Variants in SNX29 observed in about 807,000 individuals in gnomAD.
SNX29 encodes sorting nexin-29.
Under a neutral mutation model 102.1 loss-of-function variants are expected in SNX29, and 78 were observed. The observed-to-expected ratio is 0.76, with a 90% CI of 0.64 to 0.92. The LOEUF is 0.92. SNX29 is among the 40% of genes least tolerant of loss of function. SNX29 has a pLI of 0.00. For missense variants in SNX29, 1,280 were observed against 1,061.7 expected, an observed-to-expected ratio of 1.21 and a Z score of -2.86; for synonymous variants, 580 against 414.5, an observed-to-expected ratio of 1.40 and a Z score of -4.85.
intron 13 of SNX29, among the ~76,000 whole-genome samples, chr16:12,173,373 C>T (rs1005772332): frequency 1.3e-5 from 2 of 152,186 alleles, no homozygotes; most frequent in Admixed American, 6.5e-5. Flanking sequence ...TTTGTGTGAT[C>T]AGCTTTCACA....
At chr16:12,565,488 C>G (rs908152739) in intron 20 of SNX29, among the ~76,000 whole-genome samples, 1 of 152,208 alleles carries the variant, frequency 6.6e-6, no homozygotes, top group Admixed American at 6.5e-5. Context: ...AGCACCCCTG[C>G]CTCCAAGCCT....
At chr16:12,353,453 G>A (rs1446554542) in intron 15 of SNX29, among the ~76,000 whole-genome samples, 2 of 140,290 alleles carry the variant, frequency 1.4e-5, no homozygotes, top group Non-Finnish European at 2.9e-5. Context: ...CAGTGGCCTG[G>A]TGAAATGGGT....
At chr16:12,048,234 G>A in intron 6 of SNX29, 138 bp from the exon 7 acceptor site, 11 of 1,257,010 alleles carry the variant, frequency 8.8e-6, no homozygotes, top group Middle Eastern at 2.4e-4. Context: ...TGCAACGTCC[G>A]CATGGGAGGT....
chr16:12,526,000 C>T (rs931957705), intron 20 of SNX29, among the ~76,000 whole-genome samples: 1 of 152,042 alleles, frequency 6.6e-6, no homozygotes, highest in Non-Finnish European at 1.5e-5. Context: ...ACCATCAAGC[C>T]CGACTTGGTT....
chr16:12,346,140 C>T (rs781609932), intron 15 of SNX29, among the ~76,000 whole-genome samples: 9 of 151,782 alleles, frequency 5.9e-5, no homozygotes, highest in Non-Finnish European at 1.0e-4. Context: ...TGAGCGTCAG[C>T]TGGTGGCGGG....
intron 20 of SNX29, among the ~76,000 whole-genome samples, chr16:12,549,945 G>A (rs975226569): frequency 6.7e-6 from 1 of 149,592 alleles, no homozygotes; most frequent in African/African-American, 2.6e-5. Context: ...TTTTTTATAA[G>A]TAAAGTTTTA....
At chr16:12,147,685 C>A (rs557354658) in intron 13 of SNX29, among the ~76,000 whole-genome samples, 49 of 152,262 alleles carry the variant, frequency 3.2e-4, no homozygotes, top group African/African-American at 1.1e-3. Flanking sequence ...CTTGACTTTC[C>A]CTCTTTGCCT....
chr16:12,376,483 C>G (rs959661339), intron 16 of SNX29, among the ~76,000 whole-genome samples: 7 of 152,094 alleles, frequency 4.6e-5, no homozygotes, highest in African/African-American at 1.2e-4. Context: ...TACCTGTAAT[C>G]TCAACACTTT....
At chr16:12,330,382 G>A (rs158475) in intron 15 of SNX29, among the ~76,000 whole-genome samples, 125,848 of 152,106 alleles carry the variant, frequency 0.83, 54,718 homozygotes, top group South Asian at 0.98. Context: ...CAGGAGAATC[G>A]CATGAACCCA....
intron 13 of SNX29, among the ~76,000 whole-genome samples, chr16:12,155,022 C>T (rs61502801): frequency 0.057 from 8,712 of 152,226 alleles, 627 homozygotes; most frequent in East Asian, 0.36. Context: ...AAGAATGTCA[C>T]GGGAACAAGG....
chr16:12,274,674 C>G (rs2079192104), intron 14 of SNX29, among the ~76,000 whole-genome samples: 1 of 151,976 alleles, frequency 6.6e-6, no homozygotes, highest in Non-Finnish European at 1.5e-5. Flanking sequence ...GTACCTGGGA[C>G]TACAGGCATG....
intron 8 of SNX29, among the ~76,000 whole-genome samples, chr16:12,055,401 T>C (rs1354123635): frequency 2.0e-5 from 3 of 152,132 alleles, no homozygotes; most frequent in East Asian, 1.9e-4. Context: ...CCGCTAACTT[T>C]TGTGATTTTA....
intron 13 of SNX29, chr16:12,135,464 A>G: frequency 7.1e-6 from 9 of 1,271,664 alleles, no homozygotes; most frequent in Non-Finnish European, 9.3e-6. Context: ...ACAGGAGGGC[A>G]TGTGACCAGG....
At chr16:12,385,189 G>A (rs2083301839) in intron 16 of SNX29, among the ~76,000 whole-genome samples, 1 of 152,084 alleles carries the variant, frequency 6.6e-6, no homozygotes, top group Non-Finnish European at 1.5e-5. Context: ...AAAAAGAAAA[G>A]TTCTGTGGGG....
At chr16:12,377,750 T>C (rs534630260) in intron 16 of SNX29, among the ~76,000 whole-genome samples, 72 of 152,310 alleles carry the variant, frequency 4.7e-4, no homozygotes, top group Middle Eastern at 3.4e-3. Flanking sequence ...TTTGTCTTCC[T>C]GAGCCACTCA....
chr16:12,355,865 AAAAAAAAAAAAGAG>A (rs1388454826), intron 15 of SNX29, among the ~76,000 whole-genome samples: 112 of 149,322 alleles, frequency 7.5e-4, no homozygotes, highest in African/African-American at 2.2e-3. Context: ...AAAAAAAAAA[AAAAAAAAAAAAGAG>A]AGAGGAAAAA....
At chr16:12,086,009 CTTTT>C (rs34239419) in intron 11 of SNX29, among the ~76,000 whole-genome samples, 6 of 117,362 alleles carry the variant, frequency 5.1e-5, no homozygotes, top group East Asian at 5.0e-4. Context: ...CTTGCCAATT[CTTTT>C]TTTTTTTTTT....
chr16:12,431,188 G>A (rs1314669249), intron 18 of SNX29, among the ~76,000 whole-genome samples: 1 of 152,074 alleles, frequency 6.6e-6, no homozygotes, highest in Non-Finnish European at 1.5e-5. Flanking sequence ...GAGTGAGTGG[G>A]GTGGGGGCCC....
At position 12,570,617 on chromosome 16, in the gene SNX29, C is replaced by G. The variant is rs1467749035; in HGVS notation, c.*1988C>G. 4.3e-6 allele frequency: 1 copy of G among 232,090 alleles called. No individual in the cohort carries two copies. Among genetic ancestry groups the G allele is most frequent in the Non-Finnish European group, 8.5e-6 (1 of 117,438 alleles). The allele number at this position is 232,090 out of a possible 1,614,324, so 14.4% of individuals were successfully genotyped here. A position where few individuals can be genotyped will look rare whatever the true frequency, so the allele number is the denominator to read the frequency against. Reference sequence around the variant, plus strand: ...ACCCTGGAGGTCATCTCCCTGTTCTCTGTTGGATAAAGGAACCTCCCCCAT... The same window carrying G: ...ACCCTGGAGGTCATCTCCCTGTTCTGTGTTGGATAAAGGAACCTCCCCCAT... On this transcript the variant is annotated 3_prime_UTR_variant, in exon 21 of 21. Transcript: ENST00000566228.
Sources: gnomAD v4.1 joint callset for allele counts (sites outside exome capture counted in the v4.1 genomes callset) on GRCh38, gnomAD v4.1.1 for gene constraint, MANE v1.5 for transcripts, NCBI Gene and HGNC (gene_info 2026-07-23, HGNC 2026-07-21) for gene names.